Variants in IQCJ observed in about 807,000 individuals in gnomAD.
IQCJ encodes IQ motif containing J.
IQCJ carries 9 observed loss-of-function variants against 11.0 expected under a neutral mutation model. The ratio of observed to expected loss-of-function variants is 0.82; its 90% CI spans 0.49 to 1.43. The LOEUF (loss-of-function observed/expected upper bound fraction) is 1.43. IQCJ is among the 40% of genes most tolerant of loss of function. The pLI is 0.00. For missense variants in IQCJ, 146 were observed against 133.2 expected (o/e 1.10, Z -0.47); for synonymous variants, 55 against 51.3 (o/e 1.07, Z -0.31).
chr3:159,151,922 T>C (rs12630670), intron 1 of IQCJ, among the ~76,000 whole-genome samples: 51,065 of 152,144 alleles, frequency 0.34, 9,308 homozygotes, highest in East Asian at 0.46. Flanking sequence ...GCGTGAGCCA[T>C]CACACCCAGC....
In IQCJ at chr3:159,153,277, T is replaced by C. The variant is rs112911208; in HGVS notation, c.9+83836T>C. On this transcript the variant is annotated intron_variant, in intron 1 of 3. Transcript: ENST00000397832. ...CCTTTAATGGCAGATTAAGAAACTT[T>C]CCTGTAGGAGCTCTGTTAGCCAACT... Among the ~76,000 whole-genome samples the C allele has an allele frequency of 2.9e-3, 444 of 152,314 alleles. 1 individual carries two copies. The highest frequency in any genetic ancestry group is 0.01 in the African/African-American group (426 of 41,562).
intron 1 of IQCJ, among the ~76,000 whole-genome samples, chr3:159,165,844 T>G (rs112902745): frequency 7.5e-5 from 11 of 146,504 alleles, no homozygotes; most frequent in African/African-American, 2.6e-4. Context: ...TTGGCCAGGG[T>G]GGTCTCCATC....
chr3:159,211,236 T>C (rs1174910248), intron 1 of IQCJ, among the ~76,000 whole-genome samples: 4 of 152,198 alleles, frequency 2.6e-5, no homozygotes, highest in African/African-American at 7.2e-5. Flanking sequence ...AAGTACACCG[T>C]TGTGGATGAG....
At chr3:159,095,521 G>A (rs1325228818) in intron 1 of IQCJ, among the ~76,000 whole-genome samples, 27 of 107,210 alleles carry the variant, frequency 2.5e-4, no homozygotes, top group African/African-American at 1.0e-3. Context: ...CCCCTCCCCC[G>A]ACCCCACCAC....
At chr3:159,086,396 G>T (rs1403269206) in intron 1 of IQCJ, among the ~76,000 whole-genome samples, 1 of 152,096 alleles carries the variant, frequency 6.6e-6, no homozygotes, top group South Asian at 2.1e-4. Context: ...ACTTGGCGAT[G>T]CGTGCTCTTT....
At chr3:159,123,292 C>T (rs1309013350) in intron 1 of IQCJ, among the ~76,000 whole-genome samples, 2 of 152,154 alleles carry the variant, frequency 1.3e-5, no homozygotes, top group Non-Finnish European at 2.9e-5. Context: ...AGTGTGGGCT[C>T]TCTGTCTCCT....
At chr3:159,205,140 C>G (rs1724576535) in intron 1 of IQCJ, among the ~76,000 whole-genome samples, 1 of 152,158 alleles carries the variant, frequency 6.6e-6, no homozygotes, top group Non-Finnish European at 1.5e-5. Context: ...CTGACACCAA[C>G]CACAAGTTTG....
At chr3:159,172,420 ATT>A (rs11304078) in intron 1 of IQCJ, among the ~76,000 whole-genome samples, 1 of 150,568 alleles carries the variant, frequency 6.6e-6, no homozygotes, top group Non-Finnish European at 1.5e-5. Context: ...AGATGATGGA[ATT>A]TTTTTTTTCC....
At chr3:159,199,398 A>C (rs547585100) in intron 1 of IQCJ, among the ~76,000 whole-genome samples, 10 of 152,188 alleles carry the variant, frequency 6.6e-5, no homozygotes, top group Non-Finnish European at 1.0e-4. Flanking sequence ...TATGCACTGG[A>C]AAAGAAACAG....
At chr3:159,214,892 G>A (rs953426368) in intron 1 of IQCJ, among the ~76,000 whole-genome samples, 2 of 152,108 alleles carry the variant, frequency 1.3e-5, no homozygotes, top group Non-Finnish European at 2.9e-5. Context: ...TATGTGTTTG[G>A]AGCCACAGGG....
At chr3:159,087,620 T>C (rs1716888067) in intron 1 of IQCJ, among the ~76,000 whole-genome samples, 1 of 146,414 alleles carries the variant, frequency 6.8e-6, no homozygotes, top group African/African-American at 2.5e-5. Context: ...TATTCAGAGA[T>C]TCAACTTCTT....
At chr3:159,221,594 A>C (rs1325990310) in intron 1 of IQCJ, among the ~76,000 whole-genome samples, 3 of 152,146 alleles carry the variant, frequency 2.0e-5, no homozygotes, top group Non-Finnish European at 2.9e-5. Context: ...AGCATCTCAG[A>C]GACAGCTTGG....
intron 1 of IQCJ, among the ~76,000 whole-genome samples, chr3:159,105,505 C>G (rs567626318): frequency 6.6e-6 from 1 of 152,266 alleles, no homozygotes; most frequent in South Asian, 2.1e-4. Flanking sequence ...GGAGCTTACA[C>G]TCTCATGGGG....
chr3:159,089,868 T>C (rs1717109800), intron 1 of IQCJ, among the ~76,000 whole-genome samples: 1 of 151,822 alleles, frequency 6.6e-6, no homozygotes, highest in South Asian at 2.1e-4. Flanking sequence ...GGTTTGAGTG[T>C]CCTCCTGTAG....
chr3:159,220,252 C>G (rs1019164020), intron 1 of IQCJ, among the ~76,000 whole-genome samples: 2 of 152,024 alleles, frequency 1.3e-5, no homozygotes, highest in Non-Finnish European at 2.9e-5. Flanking sequence ...TCCCTGCCAC[C>G]CCCAATTCAT....
At chr3:159,234,751 G>A (rs1726477764) in intron 1 of IQCJ, among the ~76,000 whole-genome samples, 1 of 152,222 alleles carries the variant, frequency 6.6e-6, no homozygotes, top group Non-Finnish European at 1.5e-5. Flanking sequence ...TAGTGGAGGG[G>A]ATAGAAAGGG....
At chr3:159,168,295 C>A (rs1320142771) in intron 1 of IQCJ, among the ~76,000 whole-genome samples, 3 of 152,104 alleles carry the variant, frequency 2.0e-5, no homozygotes, top group Admixed American at 6.6e-5. Flanking sequence ...ACTGAAGAAA[C>A]TTCTTGAAAA....
Position 159,263,007 on chromosome 3 carries a change from T to C in IQCJ, c.*276T>C, listed in dbSNP as rs1728306003. 3.6e-6 allele frequency: 4 copies of C among 1,106,000 alleles called. No individual in the cohort carries two copies. Among genetic ancestry groups the C allele is most frequent in the Non-Finnish European group, 4.4e-6 (4 of 904,034 alleles). The allele number at this position is 1,106,000 out of a possible 1,614,324, so 68.5% of individuals were successfully genotyped here. A position where few individuals can be genotyped will look rare whatever the true frequency, so the allele number is the denominator to read the frequency against. On this transcript the variant is annotated 3_prime_UTR_variant, in exon 4 of 4. Transcript: ENST00000397832. ...TTTAGTATGTGCTGTGTGTTTCTTTTATTGTGTGGTGCTAATATGATAGAA... is the reference window on the plus strand; with the variant it reads ...TTTAGTATGTGCTGTGTGTTTCTTTCATTGTGTGGTGCTAATATGATAGAA...
chr3:159,150,504 A>T (rs1721147322), intron 1 of IQCJ, among the ~76,000 whole-genome samples: 1 of 152,040 alleles, frequency 6.6e-6, no homozygotes, highest in African/African-American at 2.4e-5. Context: ...GCTCAGTAGG[A>T]TGCACAGGCA....
Sources: gnomAD v4.1 joint callset for allele counts (sites outside exome capture counted in the v4.1 genomes callset) on GRCh38, gnomAD v4.1.1 for gene constraint, MANE v1.5 for transcripts, NCBI Gene and HGNC (gene_info 2026-07-23, HGNC 2026-07-21) for gene names.